The following MEGF6 variants were observed in gnomAD, a reference collection of about 807,000 sequenced individuals.
MEGF6 encodes the protein multiple epidermal growth factor-like domains protein 6.
A neutral mutation model predicts 207.1 loss-of-function variants in MEGF6; 184 were observed. The ratio of observed to expected loss-of-function variants is 0.89; its 90% CI spans 0.79 to 1.00. The LOEUF (loss-of-function observed/expected upper bound fraction) is 1.00, where lower values mean the gene tolerates loss of function less well. Among genes scored for constraint, MEGF6 ranks in the 50% least tolerant of loss-of-function variants. The probability of loss-of-function intolerance (pLI) is 0.00; values close to 1 mark genes in which losing one functional copy is unlikely to be tolerated. For missense variants in MEGF6, 2,282 were observed against 2,202.9 expected (o/e 1.04, Z -0.72); for synonymous variants, 1,038 against 910.0 (o/e 1.14, Z -2.53).
chr1:3,566,512 C>G (rs985920273), intron 4 of MEGF6, among the ~76,000 whole-genome samples: 4 of 152,220 alleles, frequency 2.6e-5, no homozygotes, highest in African/African-American at 4.8e-5. Context: ...CTCTGGAAGA[C>G]CTGGGTGTTC....
rs924274099 is a variant in MEGF6 at position 3,496,975 on chromosome 1, G to A, written c.3613+13C>T. ...CACTGCCGAGTCCCTGGGTGGGCAC[G>A]GGCAGCACTCACGTTGCTGGCAGCT... On this transcript the variant is annotated intron_variant, in intron 28 of 36. Coordinates refer to ENST00000356575, the MANE Select transcript of MEGF6 (RefSeq NM_001409.4). 2.8e-5 allele frequency: 43 copies of A among 1,547,992 alleles called. No individual in the cohort carries two copies. Among genetic ancestry groups the A allele is most frequent in the Middle Eastern group, 3.5e-4 (2 of 5,754 alleles).
At chr1:3,494,803 T>C (rs7516439) in intron 30 of MEGF6, 62 bp from the exon 31 acceptor site, 123,174 of 1,477,318 alleles carry the variant, frequency 0.083, 7,665 homozygotes, top group African/African-American at 0.3. Flanking sequence ...CCTCTGGGGA[T>C]ATGTCCCCAC....
chr1:3,509,589 T>C (rs1310066665), intron 11 of MEGF6, among the ~76,000 whole-genome samples: 3 of 152,134 alleles, frequency 2.0e-5, no homozygotes, highest in Non-Finnish European at 4.4e-5. Context: ...GTCCCTTCTC[T>C]CACGTGGTCA....
At position 3,544,228 on chromosome 1, in the gene MEGF6, C is replaced by G. The variant is rs150220156; in HGVS notation, c.482-19982G>C. Among the ~76,000 whole-genome samples, 1,004 of 150,906 alleles carry G rather than the reference C, an allele frequency of 6.7e-3. 13 individuals carry two copies. The highest frequency in any genetic ancestry group is 0.022 in the African/African-American group (911 of 40,704). ...GCGTCGCAGCGGCATCAGGCTAACC[C>G]TCTCCCCCCAGCATCGCAGCGGCAT... On this transcript the variant is annotated intron_variant, in intron 4 of 36. Coordinates refer to ENST00000356575, the MANE Select transcript of MEGF6 (RefSeq NM_001409.4).
At position 3,585,953 on chromosome 1, in the gene MEGF6, G is replaced by A. The variant is rs111203519; in HGVS notation, c.377-6024C>T. On this transcript the variant is annotated intron_variant, in intron 3 of 36. Coordinates refer to ENST00000356575, the MANE Select transcript of MEGF6 (RefSeq NM_001409.4). Reference sequence around the variant, plus strand: ...ATGTCCTGTGTGTGGGTGTGAGGACGCATGTCCTGTGTGTGGGTGTGTGGA... The same window carrying A: ...ATGTCCTGTGTGTGGGTGTGAGGACACATGTCCTGTGTGTGGGTGTGTGGA... 8.9e-5 allele frequency among the ~76,000 whole-genome samples: 8 copies of A among 89,390 alleles called. 1 individual carries two copies. The highest frequency in any genetic ancestry group is 4.8e-4 in the African/African-American group (7 of 14,720). 58.6% of individuals were successfully genotyped at this position (89,390 alleles called of 152,430 possible).
intron 4 of MEGF6, among the ~76,000 whole-genome samples, chr1:3,576,947 C>T (rs1303297970): frequency 1.4e-5 from 2 of 146,958 alleles, no homozygotes; most frequent in African/African-American, 5.2e-5. Flanking sequence ...ACACCTGGCC[C>T]TGCACATCCA....
intron 4 of MEGF6, among the ~76,000 whole-genome samples, chr1:3,555,836 C>T (rs897793028): frequency 3.9e-5 from 6 of 152,352 alleles, no homozygotes; most frequent in Admixed American, 2.6e-4. Flanking sequence ...ACCAAGGAAG[C>T]GAGGTATCCT....
At chr1:3,582,355 GC>G (rs1323394285) in intron 3 of MEGF6, among the ~76,000 whole-genome samples, 2 of 152,170 alleles carry the variant, frequency 1.3e-5, no homozygotes, top group Non-Finnish European at 2.9e-5. Flanking sequence ...CTGGGAGATA[GC>G]CCCGTACGCA....
intron 4 of MEGF6, among the ~76,000 whole-genome samples, chr1:3,570,237 A>G (rs1359681322): frequency 4.6e-5 from 7 of 152,150 alleles, no homozygotes; most frequent in African/African-American, 1.7e-4. Context: ...CCACCCACTC[A>G]ACCCACTTCA....
chr1:3,576,569 G>A (rs747954754), intron 4 of MEGF6, among the ~76,000 whole-genome samples: 29 of 152,238 alleles, frequency 1.9e-4, no homozygotes, highest in Middle Eastern at 6.8e-3. Context: ...GGAGGGACAG[G>A]AAGGTGATGG....
In MEGF6 at chr1:3,511,645, C is replaced by T. The variant is rs1375304525; in HGVS notation, c.1019G>A (p.Gly340Asp). ...EIVNSCEANN[G>D]GCSHGCSHTS... Reference sequence around the variant, plus strand: ...GTGGCTGCAGCCATGGGAGCAGCCGCCGTTGTTGGCCTCACAGCTGTTCAC... The same window carrying T: ...GTGGCTGCAGCCATGGGAGCAGCCGTCGTTGTTGGCCTCACAGCTGTTCAC... The change falls in exon 9 of 37, where the codon GGC (glycine) becomes GAC (aspartate). Residue 340 changes from glycine (G) to aspartate (D), a missense_variant. Physicochemically the swap from Gly to Asp is moderately conservative, Grantham distance 94. Transcript: ENST00000356575. The T allele has an allele frequency of 6.2e-7, 1 of 1,612,258 alleles. No homozygotes were observed. Among genetic ancestry groups the T allele is most frequent in the Non-Finnish European group, 8.5e-7 (1 of 1,179,392 alleles).
chr1:3,530,183 G>A (rs982762754), intron 4 of MEGF6, among the ~76,000 whole-genome samples: 29 of 152,258 alleles, frequency 1.9e-4, no homozygotes, highest in African/African-American at 6.8e-4. Context: ...CGAAGATGGA[G>A]CCTGGGCTGC....
In MEGF6 at chr1:3,530,372, G is replaced by A. The variant is rs576965500; in HGVS notation, c.482-6126C>T. The stretch of plus-strand genomic sequence containing the variant: ...CCCCCGCCAGCCACTGCCTACCCCC[G>A]GGTGATGCGGCTGACGACTCACTGG... On this transcript the variant is annotated intron_variant, in intron 4 of 36. Coordinates refer to ENST00000356575, the MANE Select transcript of MEGF6 (RefSeq NM_001409.4). 7.2e-5 allele frequency among the ~76,000 whole-genome samples: 11 copies of A among 152,290 alleles called. No homozygotes were observed. The East Asian group carries it at 1.4e-3, about 19-fold the overall frequency.
chr1:3,566,186 C>G (rs990522318), intron 4 of MEGF6, among the ~76,000 whole-genome samples: 1 of 152,234 alleles, frequency 6.6e-6, no homozygotes, highest in Non-Finnish European at 1.5e-5. Flanking sequence ...GTGATGCTGC[C>G]CAGGCCCCCG....
In MEGF6 at chr1:3,508,703, A is replaced by C; in HGVS notation, c.1529-14T>G. ...CATCCAGGCAGACTGGGGGCAGACCAGGATGGGGGGATTCAGAGCCTGACC... is the reference window on the plus strand; with the variant it reads ...CATCCAGGCAGACTGGGGGCAGACCCGGATGGGGGGATTCAGAGCCTGACC... On this transcript the variant is annotated splice_polypyrimidine_tract_variant and intron_variant, in intron 12 of 36. Transcript: ENST00000356575. The C allele has an allele frequency of 6.2e-7, 1 of 1,612,076 alleles. No homozygotes were observed. The highest frequency in any genetic ancestry group is 8.5e-7 in the Non-Finnish European group (1 of 1,179,350).
At position 3,497,007 on chromosome 1, in the gene MEGF6, G is replaced by A. The variant is rs565289829; in HGVS notation, c.3594C>T (p.His1198=). ...ACTCACGTTGCTGGCAGCTGGGGCCGTGGTAGCCAGCAGCACATGAGCAGG... is the reference window on the plus strand; with the variant it reads ...ACTCACGTTGCTGGCAGCTGGGGCCATGGTAGCCAGCAGCACATGAGCAGG... The part of the protein sequence containing the change: ...TGTCSCAAGY[H]GPSCQQRCPP... Residue 1198 remains histidine, a synonymous_variant, in exon 28 of 37, where the codon CAC becomes CAT. Coordinates refer to ENST00000356575, the MANE Select transcript of MEGF6 (RefSeq NM_001409.4). 1.4e-5 allele frequency: 21 copies of A among 1,550,368 alleles called. No individual in the cohort carries two copies. The highest frequency in any genetic ancestry group is 5.8e-5 in the Admixed American group (3 of 51,310).
chr1:3,583,195 C>G (rs925495636), intron 3 of MEGF6, among the ~76,000 whole-genome samples: 1 of 152,172 alleles, frequency 6.6e-6, no homozygotes, highest in Non-Finnish European at 1.5e-5. Context: ...CGCTCCAAAC[C>G]GAGAGCAGGT....
chr1:3,530,254 G>A (rs184450307), intron 4 of MEGF6, among the ~76,000 whole-genome samples: 1 of 152,362 alleles, frequency 6.6e-6, no homozygotes, highest in Admixed American at 6.5e-5. Flanking sequence ...AGGGCGTGGT[G>A]CTTAGTCCTT....
chr1:3,614,675 A>C (rs143433700), upstream of MEGF6, among the ~76,000 whole-genome samples: 1,085 of 152,332 alleles, frequency 7.1e-3, 2 homozygotes, highest in Non-Finnish European at 0.012. Context: ...AGTTCCCTCC[A>C]TTGCTTAGAA....
Sources: gnomAD v4.1 joint callset for allele counts (sites outside exome capture counted in the v4.1 genomes callset) on GRCh38, gnomAD v4.1.1 for gene constraint, MANE v1.5 for transcripts, NCBI Gene and HGNC (gene_info 2026-07-23, HGNC 2026-07-21) for gene names.